KCNU1: variants seen among roughly 807,000 people sequenced by gnomAD.
The protein encoded by KCNU1 is potassium channel subfamily U member 1.
In KCNU1, 93 loss-of-function variants were observed where a neutral mutation model predicts 126.8. The ratio of observed to expected loss-of-function variants is 0.73; its 90% CI spans 0.62 to 0.87. The LOEUF is 0.87. Among genes scored for constraint, KCNU1 ranks in the 40% least tolerant of loss-of-function variants. KCNU1 has a pLI of 0.00. For missense variants in KCNU1, 1,330 were observed against 1,367.1 expected (o/e 0.97, Z 0.43); for synonymous variants, 523 against 494.2 (o/e 1.06, Z -0.77).
At chr8:36,828,904 A>G (rs1467731200) in intron 10 of KCNU1, among the ~76,000 whole-genome samples, 1 of 152,076 alleles carries the variant, frequency 6.6e-6, no homozygotes, top group Non-Finnish European at 1.5e-5. Context: ...ACATATATAT[A>G]CATACACATT....
At chr8:36,888,281 A>G (rs969117421) in intron 19 of KCNU1, among the ~76,000 whole-genome samples, 1 of 152,176 alleles carries the variant, frequency 6.6e-6, no homozygotes, top group Non-Finnish European at 1.5e-5. Flanking sequence ...TAATCAAAGG[A>G]AATACTAGAA....
intron 19 of KCNU1, among the ~76,000 whole-genome samples, chr8:36,898,895 ACT>A (rs1807304216): frequency 1.3e-5 from 2 of 152,008 alleles, no homozygotes; most frequent in Admixed American, 1.3e-4. Context: ...GAGGGCACAG[ACT>A]CTGACTTTTA....
At chr8:36,849,925 C>T (rs79392312) in intron 18 of KCNU1, among the ~76,000 whole-genome samples, 2,779 of 152,274 alleles carry the variant, frequency 0.018, 78 homozygotes, top group African/African-American at 0.061. Flanking sequence ...GCAGCTACAC[C>T]ATTTTATATT....
intron 2 of KCNU1, among the ~76,000 whole-genome samples, chr8:36,803,712 C>T (rs1049970736): frequency 1.6e-4 from 25 of 152,154 alleles, no homozygotes; most frequent in African/African-American, 6.0e-4. Context: ...CAGGAAAGGA[C>T]ATCTTGAGAT....
At chr8:36,817,626 A>T (rs748487142) in intron 9 of KCNU1, 24 bp from the exon 10 acceptor site, 153 of 1,270,588 alleles carry the variant, frequency 1.2e-4, no homozygotes, top group Non-Finnish European at 1.6e-4. Flanking sequence ...CGGATGATCC[A>T]CCTCACCTGT....
intron 21 of KCNU1, among the ~76,000 whole-genome samples, chr8:36,910,421 T>G (rs762292486): frequency 1.3e-5 from 2 of 152,150 alleles, no homozygotes; most frequent in African/African-American, 2.4e-5. Context: ...TACCACTATA[T>G]TAGACTCCAA....
rs534786317 is a variant in KCNU1, at chr8:36,797,468, T to C, written c.316-6559T>C. On this transcript the variant is annotated intron_variant, in intron 2 of 26. Transcript: ENST00000399881. ...GTTTGTTATGTCTATATGCTCCTTT[T>C]GTATGAGAATAATTGCACGGGAGTT... 3.3e-4 allele frequency among the ~76,000 whole-genome samples: 50 copies of C among 152,320 alleles called. 1 individual carries two copies. Among genetic ancestry groups the C allele is most frequent in the African/African-American group, 1.1e-3 (47 of 41,572 alleles).
chr8:36,850,455 C>CT (rs35954286), intron 18 of KCNU1, among the ~76,000 whole-genome samples: 58,443 of 143,792 alleles, frequency 0.41, 11,852 homozygotes, highest in Non-Finnish European at 0.45. Context: ...AATCGGTGAT[C>CT]TTTTTTTTTT....
At chr8:36,932,133 T>C (rs1808720948) in intron 25 of KCNU1, among the ~76,000 whole-genome samples, 1 of 152,140 alleles carries the variant, frequency 6.6e-6, no homozygotes, top group Non-Finnish European at 1.5e-5. Flanking sequence ...AGGACCCATG[T>C]TCTGTGCATT....
intron 19 of KCNU1, among the ~76,000 whole-genome samples, chr8:36,872,676 A>G (rs746639020): frequency 6.6e-6 from 1 of 152,220 alleles, no homozygotes; most frequent in Non-Finnish European, 1.5e-5. Flanking sequence ...ACTACACAAG[A>G]GTCAGGAGTT....
intron 24 of KCNU1, among the ~76,000 whole-genome samples, chr8:36,925,417 G>A (rs946765557): frequency 6.6e-6 from 1 of 152,164 alleles, no homozygotes; most frequent in African/African-American, 2.4e-5. Flanking sequence ...GCAGTTTTCT[G>A]CCCCAGCTCA....
chr8:36,843,172 G>A (rs1053852731), intron 16 of KCNU1, among the ~76,000 whole-genome samples: 4 of 151,900 alleles, frequency 2.6e-5, no homozygotes, highest in East Asian at 1.9e-4. Flanking sequence ...TTAAGATGAC[G>A]GTTAGGACAT....
In KCNU1 at chr8:36,840,571, G is replaced by A. The variant is rs749447068; in HGVS notation, c.1627G>A (p.Ala543Thr). The A allele has an allele frequency of 6.3e-6, 10 of 1,585,886 alleles. No homozygotes were observed. The East Asian group carries it at 2.0e-4, about 32-fold the overall frequency. ...DFAGMSFPEV[A>T]RLCFLKMHLL... The stretch of plus-strand genomic sequence containing the variant: ...TGCTGGAATGAGCTTTCCTGAAGTT[G>A]CCCGGTAAGTGAAGTGAAATACTTC... Residue 543 changes from alanine to threonine, a missense_variant, in exon 15 of 27, where the codon GCC (alanine) becomes ACC (threonine). Ala to Thr is a moderately conservative substitution (Grantham distance 58). Around this residue, in one of 3 missense-constraint regions of KCNU1, gnomAD observed 1,054 missense variants for 1,053.9 expected, o/e 1.00. Transcript: ENST00000399881.
rs751543496 is a variant in KCNU1, at chr8:36,845,879, G to A, written c.1871G>A (p.Arg624Lys). ...ATTACAAACTGTGGCTGCAAAAGCA[G>A]AAGCCGGCAGCACATCACAGGTAAT... ...ELITNCGCKS[R>K]SRQHITVPSV... The change falls in exon 18 of 27, where the codon AGA becomes AAA. Residue 624 changes from arginine to lysine, a missense_variant. Around this residue, in one of 3 missense-constraint regions of KCNU1, gnomAD observed 1,054 missense variants for 1,053.9 expected, o/e 1.00. Coordinates refer to ENST00000399881, the MANE Select transcript of KCNU1 (RefSeq NM_001031836.3). 1 of 1,598,374 alleles carries A rather than the reference G, an allele frequency of 6.3e-7. No homozygotes were observed. The highest frequency in any genetic ancestry group is 1.1e-5 in the South Asian group (1 of 88,962).
intron 18 of KCNU1, among the ~76,000 whole-genome samples, chr8:36,857,486 C>T (rs1367274629): frequency 1.3e-5 from 2 of 152,206 alleles, no homozygotes; most frequent in African/African-American, 2.4e-5. Context: ...GCTTTTATCA[C>T]ACCCAACTGG....
At chr8:36,922,381 A>T in intron 23 of KCNU1, 109 bp from the exon 24 acceptor site, 1 of 1,174,200 alleles carries the variant, frequency 8.5e-7, no homozygotes, top group Non-Finnish European at 1.2e-6. Flanking sequence ...ACCCCAAAGT[A>T]GACATCAGAT....
intron 19 of KCNU1, among the ~76,000 whole-genome samples, chr8:36,891,990 A>C (rs150714657): frequency 6.6e-6 from 1 of 152,206 alleles, no homozygotes; most frequent in East Asian, 1.9e-4. Context: ...TTAGATATGT[A>C]AGTTAATGTT....
At chr8:36,791,416 C>A (rs1802896969) in intron 2 of KCNU1, among the ~76,000 whole-genome samples, 1 of 152,140 alleles carries the variant, frequency 6.6e-6, no homozygotes, top group African/African-American at 2.4e-5. Flanking sequence ...TTTTTAACAT[C>A]ATCCTAAGCA....
chr8:36,906,937 G>A (rs145978181), intron 20 of KCNU1, among the ~76,000 whole-genome samples: 350 of 152,272 alleles, frequency 2.3e-3, no homozygotes, highest in Non-Finnish European at 4.0e-3. Context: ...CTTTAGAAAG[G>A]TCAGGAAGTT....
Sources: allele counts gnomAD v4.1 joint callset (sites outside exome capture counted in the v4.1 genomes callset), GRCh38; gene constraint gnomAD v4.1.1; regional missense constraint gnomAD v4.1.1; transcripts MANE v1.5; gene names NCBI Gene and HGNC (gene_info 2026-07-23, HGNC 2026-07-21).